Variants in USP40 observed in about 807,000 individuals in gnomAD.
USP40 encodes ubiquitin carboxyl-terminal hydrolase 40.
In USP40, 143 loss-of-function variants were observed where a neutral mutation model predicts 166.2. The observed-to-expected ratio is 0.86, with a 90% CI of 0.75 to 0.99. The LOEUF (loss-of-function observed/expected upper bound fraction) is 0.99, where lower values mean the gene tolerates loss of function less well. Ranked by LOEUF, USP40 falls within the 50% of genes least tolerant of loss-of-function variation. The pLI is 0.00. For synonymous variants in USP40, 498 were observed against 524.0 expected (o/e 0.95, Z 0.68); for missense variants, 1,444 against 1,479.7 (o/e 0.98, Z 0.40).
rs75288241 is a variant in USP40, at chr2:233,515,471, G to A, written c.2384-2849C>T. Among the ~76,000 whole-genome samples, 765 of 152,098 alleles carry A rather than the reference G, an allele frequency of 5.0e-3. 9 individuals carry two copies. The highest frequency in any genetic ancestry group is 0.017 in the African/African-American group (704 of 41,498). ...TTAATTTGATTGCTAATGATTCTGA[G>A]CATTTTTTCCTGTACTTACTGGTCA... On this transcript the variant is annotated intron_variant, in intron 18 of 31. Transcript: ENST00000678225.
At chr2:233,560,833 G>A (rs2071519822) in intron 3 of USP40, 1 of 539,154 alleles carries the variant, frequency 1.9e-6, no homozygotes, top group South Asian at 3.2e-5. Context: ...GGTCGGTATT[G>A]TTGCAAAAAA....
chr2:233,503,747 C>T (rs774564711), intron 21 of USP40, among the ~76,000 whole-genome samples: 3 of 152,064 alleles, frequency 2.0e-5, no homozygotes, highest in Non-Finnish European at 4.4e-5. Context: ...ACCACTAGAC[C>T]AATCTTACAA....
Position 233,527,439 on chromosome 2 carries a change from T to C in USP40, c.1693A>G (p.Thr565Ala). Residue 565 changes from threonine to alanine, a missense_variant, in exon 13 of 32, where the codon ACT becomes GCT. Physicochemically the swap from Thr to Ala is moderately conservative, Grantham distance 58. Coordinates refer to ENST00000678225, the MANE Select transcript of USP40 (RefSeq NM_001365479.2). The part of the protein sequence containing the change: ...VWDLTFDKRK[T>A]LGDLRQSIFQ... ...ATTGACTGCCGGAGATCTCCTAAAG[T>C]TTTTCTTTTATCAAAGGTCAAATCC... 6.2e-7 allele frequency: 1 copy of C among 1,613,380 alleles called. No homozygotes were observed. Among genetic ancestry groups the C allele is most frequent in the South Asian group, 1.1e-5 (1 of 91,018 alleles).
Position 233,489,362 on chromosome 2 carries a change from T to C in USP40, c.3131+3A>G, listed in dbSNP as rs759217258. 14 of 1,582,814 alleles carry C rather than the reference T, an allele frequency of 8.8e-6. No individual in the cohort carries two copies. Among genetic ancestry groups the C allele is most frequent in the South Asian group, 8.1e-5 (7 of 86,176 alleles). ...ACAGTGTTGCGTCCAGCAAGGAACC[T>C]ACCTGAGTGGCTGCCGGTCAGTTCG... On this transcript the variant is annotated splice_donor_region_variant and intron_variant, in intron 27 of 31. Coordinates refer to ENST00000678225, the MANE Select transcript of USP40 (RefSeq NM_001365479.2).
At chr2:233,545,093 T>C (rs1342193568) in intron 8 of USP40, among the ~76,000 whole-genome samples, 1 of 152,098 alleles carries the variant, frequency 6.6e-6, no homozygotes, top group Non-Finnish European at 1.5e-5. Flanking sequence ...AAGCCTACAG[T>C]CCACAATACT....
At chr2:233,490,932 T>C (rs761057220) in intron 26 of USP40, 13 of 659,760 alleles carry the variant, frequency 2.0e-5, no homozygotes, top group Non-Finnish European at 2.6e-5. Flanking sequence ...TCACTGAGGA[T>C]AGATTGAAAC....
At chr2:233,497,599 C>G (rs983012650) in intron 23 of USP40, among the ~76,000 whole-genome samples, 7 of 152,310 alleles carry the variant, frequency 4.6e-5, no homozygotes, top group African/African-American at 1.7e-4. Context: ...AAGGCTGGAA[C>G]GAGAAGCCAG....
chr2:233,566,213 T>TA (rs951897351), intron 1 of USP40, among the ~76,000 whole-genome samples: 1 of 151,990 alleles, frequency 6.6e-6, no homozygotes, highest in Non-Finnish European at 1.5e-5. Context: ...TTATCAAGCC[T>TA]AAAGGCCTTC....
chr2:233,501,520 T>C (rs1206060066), intron 21 of USP40, among the ~76,000 whole-genome samples: 1 of 152,162 alleles, frequency 6.6e-6, no homozygotes, highest in Non-Finnish European at 1.5e-5. Flanking sequence ...AGGAGATCAG[T>C]TAGGAAGCTG....
intron 12 of USP40, among the ~76,000 whole-genome samples, chr2:233,528,064 T>C (rs7575694): frequency 0.8 from 121,305 of 150,902 alleles, 48,912 homozygotes; most frequent in East Asian, 0.96. Flanking sequence ...CTACAACCTC[T>C]ACCTCCTAGG....
chr2:233,528,773 G>A (rs1193164958), intron 12 of USP40, among the ~76,000 whole-genome samples: 1 of 151,968 alleles, frequency 6.6e-6, no homozygotes, highest in Non-Finnish European at 1.5e-5. Flanking sequence ...CACATAATCA[G>A]GCAGTTTGGT....
intron 18 of USP40, among the ~76,000 whole-genome samples, chr2:233,517,392 T>G (rs1332551958): frequency 4.1e-5 from 6 of 147,482 alleles, no homozygotes; most frequent in Non-Finnish European, 3.0e-5. Flanking sequence ...TTTTGTTTTT[T>G]TTTTTTTTTT....
Position 233,529,392 on chromosome 2 carries a change from C to G in USP40, c.1553+39G>C, listed in dbSNP as rs771436127. 50 of 1,500,770 alleles carry G rather than the reference C, an allele frequency of 3.3e-5. No individual in the cohort carries two copies. In the Admixed American group the frequency reaches 5.1e-4, roughly 15 times the overall value. The allele number at this position is 1,500,770 out of a possible 1,614,324, so 93.0% of individuals were successfully genotyped here. ...AGGCCTAAATCAGATCTTTATTCTC[C>G]GGAATACTAGTCAAACTCTAAAAGC... On this transcript the variant is annotated intron_variant, in intron 12 of 31. Transcript: ENST00000678225.
At chr2:233,510,533 G>T (rs1458313431) in intron 20 of USP40, among the ~76,000 whole-genome samples, 1 of 149,862 alleles carries the variant, frequency 6.7e-6, no homozygotes, top group Non-Finnish European at 1.5e-5. Context: ...CTCCCATGTA[G>T]CTGGGATTCC....
intron 11 of USP40, 61 bp from the exon 12 acceptor site, chr2:233,529,573 G>A: frequency 7.6e-7 from 1 of 1,319,326 alleles, no homozygotes; most frequent in Non-Finnish European, 1.0e-6. Flanking sequence ...GCTGGAAGAG[G>A]TAGCATGAAG....
In USP40 at chr2:233,491,253, C is replaced by T. The variant is rs1440330744; in HGVS notation, c.2926G>A (p.Gly976Arg). Residue 976 changes from glycine (G) to arginine (R), a missense_variant, in exon 26 of 32, where the codon GGG (glycine) becomes AGG (arginine). By Grantham distance (125) the Gly-to-Arg change is moderately radical (BLOSUM62 -2). Coordinates refer to ENST00000678225, the MANE Select transcript of USP40 (RefSeq NM_001365479.2). ...AGAGAAACTTGCGCAGGCTCGTTCC[C>T]AGAAGCACCTTCCAAAGGACAGAGC... ...WRATSSQGAS[G>R]NEPAQVSLLY... is the part of the protein sequence containing the mutation. The T allele has an allele frequency of 1.2e-6, 2 of 1,610,942 alleles. No individual in the cohort carries two copies. Among genetic ancestry groups the T allele is most frequent in the Admixed American group, 3.3e-5 (2 of 59,738 alleles).
rs779388252 is a variant in USP40 at position 233,477,338 on chromosome 2, G to A, written c.*54C>T. On this transcript the variant is annotated 3_prime_UTR_variant, in exon 32 of 32. Coordinates refer to ENST00000678225, the MANE Select transcript of USP40 (RefSeq NM_001365479.2). Reference sequence around the variant, plus strand: ...CAGTCCCCATGCCCAGGAAACCCACGTTTGTGGCATCAGCCGGAGAGTTCA... The same window carrying A: ...CAGTCCCCATGCCCAGGAAACCCACATTTGTGGCATCAGCCGGAGAGTTCA... The A allele has an allele frequency of 1.4e-4, 225 of 1,560,308 alleles. No individual in the cohort carries two copies. Among genetic ancestry groups the A allele is most frequent in the Non-Finnish European group, 1.9e-4 (212 of 1,139,890 alleles).
At chr2:233,488,078 C>T (rs2065062759) in intron 28 of USP40, 161 bp downstream of exon 28, 1 of 733,574 alleles carries the variant, frequency 1.4e-6, no homozygotes, top group African/African-American at 1.7e-5. Flanking sequence ...TTTAGATGCC[C>T]AGACATACAA....
intron 8 of USP40, among the ~76,000 whole-genome samples, chr2:233,544,307 T>G (rs575947291): frequency 3.2e-4 from 48 of 150,220 alleles, no homozygotes; most frequent in Admixed American, 2.8e-3. Flanking sequence ...GGAGTCGCGG[T>G]GGCCACCCTC....
Sources: allele counts gnomAD v4.1 joint callset (sites outside exome capture counted in the v4.1 genomes callset), GRCh38; gene constraint gnomAD v4.1.1; transcripts MANE v1.5; gene names NCBI Gene and HGNC (gene_info 2026-07-23, HGNC 2026-07-21).